POLN: variants seen among roughly 807,000 people sequenced by gnomAD.
POLN encodes the protein DNA polymerase nu.
POLN carries 108 observed loss-of-function variants against 113.5 expected under a neutral mutation model. That is an observed-to-expected ratio of 0.95 (90% CI 0.81 to 1.12). The LOEUF (loss-of-function observed/expected upper bound fraction) is 1.12. Among genes scored for constraint, POLN ranks in the 50% most tolerant of loss-of-function variants. The pLI is 0.00. For missense variants in POLN, 1,097 were observed against 1,077.1 expected (o/e 1.02, Z -0.26); for synonymous variants, 386 against 391.5 (o/e 0.99, Z 0.17).
At position 2,156,858 on chromosome 4, in the gene POLN, A is replaced by G. The variant is rs1360226485; in HGVS notation, c.1666-5T>C. On this transcript the variant is annotated splice_region_variant and splice_polypyrimidine_tract_variant and intron_variant, in intron 15 of 25. Coordinates refer to ENST00000511885, the MANE Select transcript of POLN (RefSeq NM_181808.4). ...CCATGTAGAGGAAATGGAGCCCTTT[A>G]TTAGTTAAAAAGAATCAGTGTAAAC... 3 of 1,608,434 alleles carry G rather than the reference A, an allele frequency of 1.9e-6. No homozygotes were observed. Among genetic ancestry groups the G allele is most frequent in the Admixed American group, 1.7e-5 (1 of 60,006 alleles).
In POLN at chr4:2,095,942, A is replaced by G; in HGVS notation, c.1983-9T>C. 6.2e-7 allele frequency: 1 copy of G among 1,613,740 alleles called. No individual in the cohort carries two copies. Among genetic ancestry groups the G allele is most frequent in the Non-Finnish European group, 8.5e-7 (1 of 1,179,712 alleles). ...CCACGGGCACATCCTTCCTGCATGG[A>G]GAGACCATGTGTGAAGTTCAGGCAC... On this transcript the variant is annotated splice_polypyrimidine_tract_variant and intron_variant, in intron 19 of 25. Coordinates refer to ENST00000511885, the MANE Select transcript of POLN (RefSeq NM_181808.4).
intron 19 of POLN, among the ~76,000 whole-genome samples, chr4:2,121,768 T>A (rs2108719147): frequency 6.6e-6 from 1 of 152,228 alleles, no homozygotes; most frequent in Admixed American, 6.5e-5. Context: ...TTATCAATTT[T>A]GCTGATTTTT....
Position 2,075,515 on chromosome 4 carries a change from C to A in POLN, c.2392G>T (p.Val798Leu). 6.2e-7 allele frequency: 1 copy of A among 1,613,276 alleles called. No homozygotes were observed. The highest frequency in any genetic ancestry group is 8.5e-7 in the Non-Finnish European group (1 of 1,179,928). The change falls in exon 24 of 26, where the codon GTG becomes TTG. Residue 798 changes from valine (V) to leucine (L), a missense_variant. Transcript: ENST00000511885. The stretch of plus-strand genomic sequence containing the variant: ...AGCAGCTCATCATGGATCTGGGCCA[C>A]CAGCCTGGCAGGGAGGGAAGGAGTC... The part of the protein sequence containing the change: ...AASHTLTARL[V>L]AQIHDELLFE...
At chr4:2,162,816 T>C (rs1732632296) in intron 13 of POLN, among the ~76,000 whole-genome samples, 1 of 152,014 alleles carries the variant, frequency 6.6e-6, no homozygotes, top group East Asian at 1.9e-4. Flanking sequence ...GGATTTTCTA[T>C]CTTGGTCCAT....
chr4:2,142,071 C>T (rs933654578), intron 16 of POLN, among the ~76,000 whole-genome samples: 13 of 152,358 alleles, frequency 8.5e-5, no homozygotes, highest in East Asian at 3.9e-4. Flanking sequence ...ATCCTCTCTA[C>T]TCAATGGCTT....
At chr4:2,132,190 T>A (rs772502685) in intron 16 of POLN, among the ~76,000 whole-genome samples, 1 of 152,152 alleles carries the variant, frequency 6.6e-6, no homozygotes, top group East Asian at 1.9e-4. Context: ...TAGAATCACA[T>A]GATACCTCAA....
intron 2 of POLN, among the ~76,000 whole-genome samples, chr4:2,237,858 T>A (rs1346990964): frequency 6.6e-6 from 1 of 152,184 alleles, no homozygotes; most frequent in Non-Finnish European, 1.5e-5. Context: ...GTAACAGACT[T>A]CCTAAAACTG....
chr4:2,208,881 G>A (rs1335740512), intron 4 of POLN, among the ~76,000 whole-genome samples: 4 of 152,016 alleles, frequency 2.6e-5, no homozygotes, highest in Admixed American at 6.6e-5. Context: ...CCAGCTACTC[G>A]GGAGGCTGAG....
intron 2 of POLN, chr4:2,240,460 T>C (rs1734938789): frequency 6.2e-7 from 1 of 1,613,902 alleles, no homozygotes; most frequent in East Asian, 2.2e-5. Flanking sequence ...AGTTCATTAC[T>C]GATCTTAGTG....
rs908376039 is a variant in POLN at position 2,239,996 on chromosome 4, C to G, written c.-13+1524G>C. 4 of 1,475,620 alleles carry G rather than the reference C, an allele frequency of 2.7e-6. No individual in the cohort carries two copies. The African/African-American group carries it at 5.6e-5, about 21-fold the overall frequency. 91.4% of individuals were successfully genotyped at this position (1,475,620 alleles called of 1,614,324 possible). On this transcript the variant is annotated intron_variant, in intron 2 of 25. Transcript: ENST00000511885. ...GCAATATTATCTCCTCTATTCCTAA[C>G]AATAATTACAATGTGAATCCAATCT...
intron 24 of POLN, 135 bp downstream of exon 24, chr4:2,075,317 C>T (rs898464321): frequency 4.1e-6 from 4 of 981,048 alleles, no homozygotes; most frequent in Non-Finnish European, 6.0e-6. Flanking sequence ...CCAGGTGACA[C>T]AGCAGCAATG....
chr4:2,090,556 T>A (rs1170724473), intron 20 of POLN: 3 of 471,626 alleles, frequency 6.4e-6, no homozygotes, highest in East Asian at 8.8e-5. Context: ...CTGGCCATGG[T>A]GATCATCATC....
At chr4:2,090,320 T>G in intron 20 of POLN, 1 of 808,340 alleles carries the variant, frequency 1.2e-6, no homozygotes, top group East Asian at 2.5e-5. Context: ...CAATCAATAT[T>G]TCATCTGGCA....
chr4:2,168,764 G>GC (rs1468863573), intron 13 of POLN, among the ~76,000 whole-genome samples: 2 of 152,234 alleles, frequency 1.3e-5, no homozygotes, highest in African/African-American at 4.8e-5. Context: ...AGTCTCCACA[G>GC]CAAGACAGAT....
At chr4:2,175,833 T>C (rs1443617210) in intron 9 of POLN, among the ~76,000 whole-genome samples, 1 of 152,136 alleles carries the variant, frequency 6.6e-6, no homozygotes, top group Non-Finnish European at 1.5e-5. Flanking sequence ...TCCCTGGAGC[T>C]TTCTCCTTCT....
intron 13 of POLN, among the ~76,000 whole-genome samples, chr4:2,163,027 CAAAAAA>C (rs66769262): frequency 2.7e-4 from 18 of 66,558 alleles, no homozygotes; most frequent in African/African-American, 5.5e-4. Context: ...CAGTTCCTAC[CAAAAAA>C]AAAAAAAAAA....
At position 2,174,884 on chromosome 4, in the gene POLN, G is replaced by A. The variant is rs577876756; in HGVS notation, c.1249-133C>T. The A allele has an allele frequency of 3.2e-4, 198 of 616,702 alleles. 2 individuals carry two copies. In the South Asian group the frequency reaches 3.4e-3, roughly 10 times the overall value. 38.2% of individuals were successfully genotyped at this position (616,702 alleles called of 1,614,324 possible). A position where few individuals can be genotyped will look rare whatever the true frequency, so the allele number is the denominator to read the frequency against. ...GCTGCCCAGGTTGGAGTGCAGTGGC[G>A]TGATCTCAGCGCACTGCAACCTCCA... On this transcript the variant is annotated intron_variant, in intron 9 of 25. Transcript: ENST00000511885.
rs535453059 is a variant in POLN, at chr4:2,111,561, T to C, written c.1983-15628A>G. Among the ~76,000 whole-genome samples the C allele has an allele frequency of 2.6e-5, 4 of 152,310 alleles. No individual in the cohort carries two copies. In the East Asian group the frequency reaches 5.8e-4, roughly 22 times the overall value. On this transcript the variant is annotated intron_variant, in intron 19 of 25. Coordinates refer to ENST00000511885, the MANE Select transcript of POLN (RefSeq NM_181808.4). ...GCAAAGTCTCAGGATACAAAATCAA[T>C]GTGCAAAAATTACAAGCATTCTTAT...
chr4:2,224,956 A>G (rs1734347097), intron 3 of POLN, among the ~76,000 whole-genome samples: 1 of 152,064 alleles, frequency 6.6e-6, no homozygotes, highest in Non-Finnish European at 1.5e-5. Context: ...GTCTTGGGAA[A>G]AAAAAAAATG....
Sources: allele counts gnomAD v4.1 joint callset (sites outside exome capture counted in the v4.1 genomes callset), GRCh38; gene constraint gnomAD v4.1.1; transcripts MANE v1.5; gene names NCBI Gene and HGNC (gene_info 2026-07-23, HGNC 2026-07-21).